Variants in ARFGEF2 observed in about 807,000 individuals in gnomAD.
ARFGEF2 encodes the protein brefeldin A-inhibited guanine nucleotide-exchange protein 2.
A neutral mutation model predicts 219.9 loss-of-function variants in ARFGEF2; 74 were observed. The ratio of observed to expected loss-of-function variants is 0.34; its 90% CI spans 0.28 to 0.41. The LOEUF is 0.41. Ranked by LOEUF, ARFGEF2 falls within the 10% of genes least tolerant of loss-of-function variation. ARFGEF2 has a pLI of 1.00. For missense variants in ARFGEF2, 1,743 were observed against 2,218.3 expected (o/e 0.79, Z 4.30); for synonymous variants, 733 against 799.2 (o/e 0.92, Z 1.40).
At chr20:48,969,809 G>T (rs1030120533) in intron 9 of ARFGEF2, among the ~76,000 whole-genome samples, 1 of 152,244 alleles carries the variant, frequency 6.6e-6, no homozygotes, top group Admixed American at 6.5e-5. Context: ...TCCTCCACTT[G>T]AGAGCAGTTC....
At chr20:48,980,146 G>A (rs893688321) in intron 14 of ARFGEF2, among the ~76,000 whole-genome samples, 5 of 152,116 alleles carry the variant, frequency 3.3e-5, no homozygotes, top group African/African-American at 9.7e-5. Context: ...TCTACACACT[G>A]CTTTAAATGT....
intron 14 of ARFGEF2, among the ~76,000 whole-genome samples, chr20:48,983,748 A>C (rs1227013980): frequency 6.6e-6 from 1 of 152,206 alleles, no homozygotes; most frequent in African/African-American, 2.4e-5. Context: ...AGAGGCCTTC[A>C]GCAACTGCAC....
intron 6 of ARFGEF2, among the ~76,000 whole-genome samples, chr20:48,961,441 A>G (rs541096794): frequency 1.3e-5 from 2 of 152,300 alleles, no homozygotes; most frequent in South Asian, 4.2e-4. Context: ...TTCAGGGGCA[A>G]TAACACACAT....
Position 49,018,951 on chromosome 20 carries a change from A to G in ARFGEF2, c.4577A>G (p.Gln1526Arg), listed in dbSNP as rs750625602. 2 of 1,614,100 alleles carry G rather than the reference A, an allele frequency of 1.2e-6. No homozygotes were observed. Among genetic ancestry groups the G allele is most frequent in the Non-Finnish European group, 1.7e-6 (2 of 1,179,954 alleles). The change falls in exon 34 of 39, where the codon CAG (glutamine) becomes CGG (arginine). Residue 1526 changes from glutamine to arginine, a missense_variant. Gln to Arg is a conservative substitution (Grantham distance 43, BLOSUM62 1). Around this residue, in one of 5 missense-constraint regions of ARFGEF2, gnomAD observed 578 missense variants for 664.0 expected, o/e 0.87. Coordinates refer to ENST00000371917, the MANE Select transcript of ARFGEF2 (RefSeq NM_006420.3). ...DKNPSERGQS[Q>R]LSNPTDDSWK... ...AATCCCTCTGAGAGGGGACAGAGCC[A>G]GCTCTCTAACCCAACAGATGACAGC...
intron 34 of ARFGEF2, among the ~76,000 whole-genome samples, chr20:49,021,230 C>G (rs2091563137): frequency 6.7e-6 from 1 of 150,088 alleles, no homozygotes; most frequent in African/African-American, 2.5e-5. Context: ...GGTGAGACCC[C>G]ATCTCTAAGA....
intron 14 of ARFGEF2, among the ~76,000 whole-genome samples, chr20:48,980,469 G>A (rs1325488718): frequency 2.6e-5 from 4 of 152,212 alleles, no homozygotes; most frequent in African/African-American, 9.6e-5. Flanking sequence ...TTGGTTTGGG[G>A]TGGAGAGTTC....
In ARFGEF2 at chr20:49,001,925, T is replaced by A. The variant is rs561834666; in HGVS notation, c.3433-3145T>A. Among the ~76,000 whole-genome samples the A allele has an allele frequency of 3.9e-5, 6 of 152,332 alleles. No homozygotes were observed. In the East Asian group the frequency reaches 1.2e-3, roughly 29 times the overall value. ...TTTAACCATGTTAGCATATGTAGATTTGTTCTCTTTTAAGAAATTGTAATA... is the reference window on the plus strand; with the variant it reads ...TTTAACCATGTTAGCATATGTAGATATGTTCTCTTTTAAGAAATTGTAATA... On this transcript the variant is annotated intron_variant, in intron 25 of 38. Coordinates refer to ENST00000371917, the MANE Select transcript of ARFGEF2 (RefSeq NM_006420.3).
intron 1 of ARFGEF2, among the ~76,000 whole-genome samples, chr20:48,932,906 T>C (rs1188200348): frequency 6.6e-6 from 1 of 152,080 alleles, no homozygotes; most frequent in African/African-American, 2.4e-5. Flanking sequence ...CTGCGACAGA[T>C]AGAAGTCTGA....
intron 6 of ARFGEF2, among the ~76,000 whole-genome samples, chr20:48,957,911 C>G (rs772794983): frequency 4.6e-5 from 7 of 152,162 alleles, no homozygotes; most frequent in Non-Finnish European, 8.8e-5. Flanking sequence ...GAGTTATATA[C>G]TCTATCCCTC....
At chr20:48,956,627 G>A (rs913879449) in intron 6 of ARFGEF2, among the ~76,000 whole-genome samples, 1 of 152,068 alleles carries the variant, frequency 6.6e-6, no homozygotes. Context: ...AGGCTGTAGT[G>A]CAGTGGTGAG....
chr20:48,964,877 A>G (rs895232995), intron 7 of ARFGEF2, among the ~76,000 whole-genome samples: 6 of 152,200 alleles, frequency 3.9e-5, no homozygotes, highest in Admixed American at 3.9e-4. Flanking sequence ...CAGAGTACAA[A>G]TGATCTGACT....
At position 48,941,897 on chromosome 20, in the gene ARFGEF2, C is replaced by G; in HGVS notation, c.186C>G (p.Phe62Leu). 6.2e-7 allele frequency: 1 copy of G among 1,614,248 alleles called. No homozygotes were observed. The highest frequency in any genetic ancestry group is 8.5e-7 in the Non-Finnish European group (1 of 1,180,034). The stretch of plus-strand genomic sequence containing the variant: ...CTGCTGCACCACCAAAGGCAAACTT[C>G]ATTGAAGCTGACAAGTATTTTCTTC... Reference protein sequence around the residue: ...LGTAAPPKANFIEADKYFLPF... With the variant: ...LGTAAPPKANLIEADKYFLPF... The change falls in exon 3 of 39, where the codon TTC becomes TTG. Residue 62 changes from phenylalanine to leucine, a missense_variant. Around this residue, in one of 5 missense-constraint regions of ARFGEF2, gnomAD observed 394 missense variants for 426.6 expected, o/e 0.92. Coordinates refer to ENST00000371917, the MANE Select transcript of ARFGEF2 (RefSeq NM_006420.3).
intron 7 of ARFGEF2, among the ~76,000 whole-genome samples, chr20:48,964,297 C>T (rs764441854): frequency 1.3e-5 from 2 of 152,128 alleles, no homozygotes; most frequent in African/African-American, 2.4e-5. Flanking sequence ...CCCAGCTATT[C>T]GGGAGGCTGA....
intron 27 of ARFGEF2, among the ~76,000 whole-genome samples, chr20:49,011,300 A>G (rs924671555): frequency 3.3e-5 from 5 of 152,220 alleles, no homozygotes; most frequent in African/African-American, 1.2e-4. Context: ...CCTTATCTCC[A>G]TATTTTCCCT....
intron 34 of ARFGEF2, among the ~76,000 whole-genome samples, chr20:49,021,095 T>TA (rs1252318177): frequency 6.6e-6 from 1 of 152,160 alleles, no homozygotes; most frequent in Non-Finnish European, 1.5e-5. Context: ...GGAGAATTGT[T>TA]ACGTGTTTTT....
At chr20:49,027,313 G>A (rs1049978354) in intron 36 of ARFGEF2, among the ~76,000 whole-genome samples, 1 of 152,110 alleles carries the variant, frequency 6.6e-6, no homozygotes, top group Non-Finnish European at 1.5e-5. Flanking sequence ...GATTACAGGC[G>A]TGAGCCGCTG....
rs1318659140 is a variant in ARFGEF2, at chr20:49,013,683, T to C, written c.4038T>C (p.Asp1346=). Reference sequence around the variant, plus strand: ...GCATCATTAATAGATGCAAGTTAGATGTACGAACAAGGTAACCATGTTCCC... The same window carrying C: ...GCATCATTAATAGATGCAAGTTAGACGTACGAACAAGGTAACCATGTTCCC... ...LSCIINRCKL[D]VRTRGLTVMF... Residue 1346 remains aspartate, a synonymous_variant, in exon 29 of 39, where the codon GAT becomes GAC. Transcript: ENST00000371917. 6.2e-7 allele frequency: 1 copy of C among 1,614,176 alleles called. No individual in the cohort carries two copies. Among genetic ancestry groups the C allele is most frequent in the Non-Finnish European group, 8.5e-7 (1 of 1,180,024 alleles).
chr20:48,972,203 CTCT>C (rs1297159175), intron 10 of ARFGEF2, 120 bp from the exon 11 acceptor site: 24 of 729,764 alleles, frequency 3.3e-5, no homozygotes, highest in Non-Finnish European at 5.6e-5. Flanking sequence ...GGGCACTCCA[CTCT>C]TCTTCTGCCC....
intron 6 of ARFGEF2, among the ~76,000 whole-genome samples, chr20:48,955,412 A>C (rs2091099740): frequency 6.6e-6 from 1 of 152,126 alleles, no homozygotes; most frequent in East Asian, 1.9e-4. Context: ...ACAATACCTG[A>C]AATTACTGAA....
Sources: allele counts gnomAD v4.1 joint callset (sites outside exome capture counted in the v4.1 genomes callset), GRCh38; gene constraint gnomAD v4.1.1; regional missense constraint gnomAD v4.1.1; transcripts MANE v1.5; gene names NCBI Gene and HGNC (gene_info 2026-07-23, HGNC 2026-07-21).